The following TP73 variants were observed in gnomAD, a reference collection of about 807,000 sequenced individuals.
TP73 encodes p53-like transcription factor.
Under a neutral mutation model 62.5 loss-of-function variants are expected in TP73, and 25 were observed. That is an observed-to-expected ratio of 0.40 (90% confidence interval 0.29 to 0.56). TP73 has a LOEUF of 0.56. Ranked by LOEUF, TP73 falls within the 20% of genes least tolerant of loss-of-function variation. The pLI, the probability that TP73 is intolerant of heterozygous loss-of-function variation, is 0.46. For synonymous variants in TP73, 423 were observed against 377.5 expected, an observed-to-expected ratio of 1.12 and a Z score of -1.40; for missense variants, 754 against 913.3, an observed-to-expected ratio of 0.83 and a Z score of 2.25.
At chr1:3,654,461 G>T (rs564555289) in intron 1 of TP73, among the ~76,000 whole-genome samples, 5 of 152,324 alleles carry the variant, frequency 3.3e-5, no homozygotes, top group East Asian at 3.9e-4. Flanking sequence ...GAATGCTGGG[G>T]TTCAAATCTC....
At chr1:3,703,190 G>T (rs1374573126) in intron 3 of TP73, among the ~76,000 whole-genome samples, 1 of 152,232 alleles carries the variant, frequency 6.6e-6, no homozygotes, top group East Asian at 1.9e-4. Context: ...TGTGACAGGG[G>T]CGGTGACCAC....
chr1:3,679,388 C>T (rs755411713), intron 1 of TP73, among the ~76,000 whole-genome samples: 6 of 152,192 alleles, frequency 3.9e-5, no homozygotes, highest in Non-Finnish European at 7.3e-5. Flanking sequence ...CGGCGGGATG[C>T]CGTCGGCTCC....
chr1:3,661,915 C>T (rs1185305949), intron 1 of TP73, among the ~76,000 whole-genome samples: 2 of 148,626 alleles, frequency 1.3e-5, no homozygotes, highest in Non-Finnish European at 3.0e-5. Context: ...TTTTAATTAG[C>T]TGGGTGTGGT....
intron 4 of TP73, among the ~76,000 whole-genome samples, chr1:3,710,139 C>T (rs1012859570): frequency 2.8e-5 from 4 of 144,876 alleles, no homozygotes; most frequent in African/African-American, 7.9e-5. Context: ...GCCTGGTGCC[C>T]AGCAGAGGAG....
chr1:3,725,240 T>C (rs1029763768), intron 6 of TP73, among the ~76,000 whole-genome samples: 3 of 152,066 alleles, frequency 2.0e-5, no homozygotes, highest in Non-Finnish European at 4.4e-5. Flanking sequence ...GGGGAGAAGG[T>C]TGGGGCAAAC....
At chr1:3,726,498 G>A (rs188650556) in intron 6 of TP73, among the ~76,000 whole-genome samples, 1 of 150,556 alleles carries the variant, frequency 6.6e-6, no homozygotes, top group East Asian at 2.0e-4. Context: ...GTGGGTGGAT[G>A]GATGGGGTTG....
At chr1:3,690,912 TACGTCGGTG>T (rs1425353214) in intron 3 of TP73, 1 of 1,579,958 alleles carries the variant, frequency 6.3e-7, no homozygotes, top group Admixed American at 1.8e-5. Context: ...TACCATGCTG[TACGTCGGTG>T]ACCCCGCACG....
At position 3,672,874 on chromosome 1, in the gene TP73, G is replaced by A. The variant is rs901167393; in HGVS notation, c.-33-9459G>A. The stretch of plus-strand genomic sequence containing the variant: ...TAGAGGAAGCTCAGCCCATCAGGCC[G>A]CTCATGCTTCTGACCCCACCTCCAA... On this transcript the variant is annotated intron_variant, in intron 1 of 13. Transcript: ENST00000378295. This position sits in a 1 kb window ranked among gnomAD's most constrained non-coding sequence, Gnocchi z 5.3. 2.0e-4 allele frequency among the ~76,000 whole-genome samples: 30 copies of A among 151,696 alleles called. No individual in the cohort carries two copies. Among genetic ancestry groups the A allele is most frequent in the South Asian group, 6.2e-4 (3 of 4,802 alleles).
At chr1:3,690,263 C>T (rs1052004056) in intron 3 of TP73, among the ~76,000 whole-genome samples, 6 of 152,210 alleles carry the variant, frequency 3.9e-5, no homozygotes, top group African/African-American at 1.4e-4. Flanking sequence ...GTGAGCCCCT[C>T]CTCTCCATGC....
chr1:3,720,660 T>A (rs1330157447), intron 4 of TP73, among the ~76,000 whole-genome samples: 2 of 152,236 alleles, frequency 1.3e-5, no homozygotes, highest in Non-Finnish European at 2.9e-5. Flanking sequence ...CCATCTCCCC[T>A]GTCTCTTTCC....
At chr1:3,667,145 C>T (rs920062488) in intron 1 of TP73, among the ~76,000 whole-genome samples, 3 of 152,018 alleles carry the variant, frequency 2.0e-5, no homozygotes, top group Admixed American at 6.6e-5. Context: ...CAGGAGAGGA[C>T]GGGGAGGTAG....
chr1:3,658,493 T>C (rs937398757), intron 1 of TP73, among the ~76,000 whole-genome samples: 10 of 151,806 alleles, frequency 6.6e-5, no homozygotes, highest in Admixed American at 6.6e-4. Context: ...TAGAGACAAA[T>C]GAGGAGAGGG....
intron 1 of TP73, among the ~76,000 whole-genome samples, chr1:3,681,169 T>C (rs1645510797): frequency 6.6e-6 from 1 of 151,618 alleles, no homozygotes. Flanking sequence ...CCCGCCTGCC[T>C]GGGGAAGGAC....
chr1:3,692,852 G>A (rs1645887410), intron 3 of TP73, among the ~76,000 whole-genome samples: 1 of 152,142 alleles, frequency 6.6e-6, no homozygotes, highest in Admixed American at 6.5e-5. Context: ...GTGGGGAGGT[G>A]GAGCCCTGCT....
intron 10 of TP73, 45 bp downstream of exon 10, chr1:3,729,493 G>A (rs2124534069): frequency 1.2e-6 from 2 of 1,610,760 alleles, no homozygotes; most frequent in Non-Finnish European, 1.7e-6. Flanking sequence ...AGGAGGACAT[G>A]GCTTAACCCC....
At chr1:3,682,512 C>A in intron 2 of TP73, 82 bp downstream of exon 2, 1 of 1,319,406 alleles carries the variant, frequency 7.6e-7, no homozygotes, top group Non-Finnish European at 1.0e-6. Flanking sequence ...GCTGGGCTAA[C>A]TGGGCCAGAG....
intron 1 of TP73, among the ~76,000 whole-genome samples, chr1:3,677,844 C>T (rs1253025666): frequency 6.6e-6 from 1 of 152,038 alleles, no homozygotes; most frequent in Admixed American, 6.6e-5. Context: ...CAGGCACATG[C>T]CATCACGCCC....
Position 3,693,907 on chromosome 1 carries a change from G to C in TP73, c.186+10727G>C, listed in dbSNP as rs1444745787. ...CTCCGCCCCTCCTCCCGCAATCCCA[G>C]CCCTGCAGCCTCAGCCCCCTCCTCC... On this transcript the variant is annotated intron_variant, in intron 3 of 13. Transcript: ENST00000378295. 1.7e-4 allele frequency among the ~76,000 whole-genome samples: 4 copies of C among 23,318 alleles called. 1 individual carries two copies. Among genetic ancestry groups the C allele is most frequent in the East Asian group, 9.0e-4 (1 of 1,116 alleles). 15.3% of individuals were successfully genotyped at this position (23,318 alleles called of 152,430 possible). A position where few individuals can be genotyped will look rare whatever the true frequency, so the allele number is the denominator to read the frequency against.
intron 1 of TP73, among the ~76,000 whole-genome samples, chr1:3,661,827 C>T (rs1454800471): frequency 6.8e-6 from 1 of 146,040 alleles, no homozygotes; most frequent in Non-Finnish European, 1.5e-5. Flanking sequence ...TATATATATA[C>T]ACGCTATATA....
Sources: allele counts gnomAD v4.1 joint callset (sites outside exome capture counted in the v4.1 genomes callset), GRCh38; gene constraint gnomAD v4.1.1; non-coding constraint Gnocchi (gnomAD v3.1); transcripts MANE v1.5; gene names NCBI Gene and HGNC (gene_info 2026-07-23, HGNC 2026-07-21).